DOCK5: variants seen among roughly 807,000 people sequenced by gnomAD.
The protein encoded by DOCK5 is dedicator of cytokinesis protein 5.
In DOCK5, 142 loss-of-function variants were observed where a neutral mutation model predicts 251.8. That is an observed-to-expected ratio of 0.56 (90% CI 0.49 to 0.65). The LOEUF (loss-of-function observed/expected upper bound fraction) is 0.65, where lower values mean the gene tolerates loss of function less well. Ranked by LOEUF, DOCK5 falls within the 30% of genes least tolerant of loss-of-function variation. The pLI is 0.00. For synonymous variants in DOCK5, 842 were observed against 835.5 expected (o/e 1.01, Z -0.13); for missense variants, 2,111 against 2,312.3 (o/e 0.91, Z 1.79).
At chr8:25,199,183 G>T (rs1367968655) in intron 1 of DOCK5, among the ~76,000 whole-genome samples, 1 of 152,098 alleles carries the variant, frequency 6.6e-6, no homozygotes, top group African/African-American at 2.4e-5. Context: ...ACTGTGTTTT[G>T]CAAAGTAAAC....
intron 5 of DOCK5, among the ~76,000 whole-genome samples, chr8:25,279,975 G>C (rs1804146590): frequency 6.6e-6 from 1 of 152,138 alleles, no homozygotes; most frequent in South Asian, 2.1e-4. Flanking sequence ...ATGCTGGGCA[G>C]GCTGGTCTTG....
intron 1 of DOCK5, among the ~76,000 whole-genome samples, chr8:25,235,189 C>G (rs1802764873): frequency 6.6e-6 from 1 of 152,142 alleles, no homozygotes; most frequent in African/African-American, 2.4e-5. Context: ...GGAAAAAACT[C>G]CTATGATTAT....
chr8:25,357,278 G>A lies in DOCK5; in HGVS notation c.2851-1685G>A, dbSNP rs996003086. On this transcript the variant is annotated intron_variant, in intron 27 of 51. Transcript: ENST00000276440. ...GGAGAAACAAATTGTGTTAGACACC[G>A]TTGGGAAAACAAGCTATATGATAAT... 3.3e-5 allele frequency among the ~76,000 whole-genome samples: 5 copies of A among 151,160 alleles called. No individual in the cohort carries two copies. The East Asian group carries it at 5.8e-4, about 18-fold the overall frequency.
chr8:25,184,957 T>TGCGCGCCCCACCTTGTCCCG lies in DOCK5; in HGVS notation c.43+9_43+28dup. 2.1e-6 allele frequency: 3 copies of TGCGCGCCCCACCTTGTCCCG among 1,412,772 alleles called. No individual in the cohort carries two copies. The highest frequency in any genetic ancestry group is 2.8e-6 in the Non-Finnish European group (3 of 1,073,638). The allele number at this position is 1,412,772 out of a possible 1,614,324, so 87.5% of individuals were successfully genotyped here. ...GAGGCAGAAGTACGGGGTTGGTGAGTGCGCGCCCCACCTTGTCCCGGCCCG... is the reference window on the plus strand; with the variant it reads ...GAGGCAGAAGTACGGGGTTGGTGAGTGCGCGCCCCACCTTGTCCCGGCGCGCCCCACCTTGTCCCGGCCCG... On this transcript the variant is annotated splice_region_variant and intron_variant, in intron 1 of 51. Transcript: ENST00000276440.
chr8:25,348,223 C>G (rs1340090413), intron 26 of DOCK5, among the ~76,000 whole-genome samples: 2 of 152,114 alleles, frequency 1.3e-5, no homozygotes, highest in East Asian at 3.9e-4. Flanking sequence ...TTAAACATTG[C>G]AGGATTCCCT....
chr8:25,270,049 C>G (rs574226121), intron 3 of DOCK5, among the ~76,000 whole-genome samples: 5 of 152,280 alleles, frequency 3.3e-5, no homozygotes, highest in African/African-American at 9.6e-5. Context: ...AGTATTTGCA[C>G]ATGTATGTGT....
intron 18 of DOCK5, among the ~76,000 whole-genome samples, chr8:25,331,029 G>C (rs555445491): frequency 1.3e-5 from 2 of 152,162 alleles, no homozygotes; most frequent in Admixed American, 6.5e-5. Flanking sequence ...GTTGCAATGA[G>C]CTGAGATTGT....
chr8:25,200,838 G>A (rs1463058467), intron 1 of DOCK5, among the ~76,000 whole-genome samples: 1 of 152,132 alleles, frequency 6.6e-6, no homozygotes, highest in Admixed American at 6.5e-5. Context: ...TTTAAAACTT[G>A]TATAATTACA....
At chr8:25,404,765 A>T (rs929747169) in intron 48 of DOCK5, among the ~76,000 whole-genome samples, 1 of 152,114 alleles carries the variant, frequency 6.6e-6, no homozygotes, top group Admixed American at 6.6e-5. Context: ...TCTGTCAAAG[A>T]TGTATATTTG....
chr8:25,323,913 A>G lies in DOCK5; in HGVS notation c.1681A>G (p.Thr561Ala), dbSNP rs536125215. The change falls in exon 17 of 52, where the codon ACT becomes GCT. Residue 561 changes from threonine to alanine, a missense_variant. Thr to Ala is a moderately conservative substitution (Grantham distance 58). This residue lies in a region of DOCK5 where 1,717 missense variants were observed against 1,892.4 expected (regional missense o/e 0.91). Transcript: ENST00000276440. ...FVKLMNPDGT[T>A]LQDGRHDLVV... ...GAAGCTGATGAACCCGGATGGCACC[A>G]CTCTGCAGGATGGGAGGCACGATCT... is the stretch of plus-strand genomic sequence containing the variant. 18 of 1,613,278 alleles carry G rather than the reference A, an allele frequency of 1.1e-5. No individual in the cohort carries two copies. In the Admixed American group the frequency reaches 2.0e-4, roughly 18 times the overall value.
chr8:25,293,785 C>A (rs1039770623), intron 6 of DOCK5, among the ~76,000 whole-genome samples: 1 of 152,128 alleles, frequency 6.6e-6, no homozygotes, highest in Admixed American at 6.6e-5. Flanking sequence ...GGGCAGATCA[C>A]CAGAGGTCAG....
chr8:25,252,989 G>A lies in DOCK5; in HGVS notation c.127+9232G>A, dbSNP rs79944669. Among the ~76,000 whole-genome samples the A allele has an allele frequency of 3.1e-3, 472 of 152,116 alleles. 2 individuals carry two copies. Among genetic ancestry groups the A allele is most frequent in the African/African-American group, 0.011 (439 of 41,502 alleles). ...TGGGATTACAGGCACGTGCCACCAC[G>A]CCCAGCTAATTTTTAGTAGAGACGT... On this transcript the variant is annotated intron_variant, in intron 2 of 51. Transcript: ENST00000276440.
intron 1 of DOCK5, among the ~76,000 whole-genome samples, chr8:25,234,578 C>G (rs1396858568): frequency 6.6e-6 from 1 of 152,150 alleles, no homozygotes; most frequent in Non-Finnish European, 1.5e-5. Flanking sequence ...GAACTATAGG[C>G]ATGAATAACA....
chr8:25,379,770 C>T (rs962891966), intron 38 of DOCK5, among the ~76,000 whole-genome samples: 3 of 151,968 alleles, frequency 2.0e-5, no homozygotes, highest in East Asian at 1.9e-4. Context: ...TCCCTCCATT[C>T]GGGGTCCCTG....
chr8:25,187,615 C>T (rs73673854), intron 1 of DOCK5, among the ~76,000 whole-genome samples: 12,417 of 151,892 alleles, frequency 0.082, 690 homozygotes, highest in African/African-American at 0.16. Flanking sequence ...TGTCACCTCC[C>T]TGCTTGGAAG....
chr8:25,241,878 T>C (rs28789719), intron 1 of DOCK5, among the ~76,000 whole-genome samples: 5,715 of 151,992 alleles, frequency 0.038, 309 homozygotes, highest in African/African-American at 0.13. Context: ...CTGGAAACCA[T>C]CATTCTCAGC....
chr8:25,290,521 TA>T (rs1804457845), intron 5 of DOCK5, among the ~76,000 whole-genome samples: 1 of 152,220 alleles, frequency 6.6e-6, no homozygotes, highest in African/African-American at 2.4e-5. Context: ...TTGGTTACAG[TA>T]AGTTACTAGT....
At chr8:25,401,296 A>C (rs1801434598) in intron 47 of DOCK5, among the ~76,000 whole-genome samples, 1 of 152,156 alleles carries the variant, frequency 6.6e-6, no homozygotes, top group Non-Finnish European at 1.5e-5. Flanking sequence ...AGCGCCTGTG[A>C]AAATACAGAT....
chr8:25,358,212 G>A (rs1290945704), intron 27 of DOCK5, among the ~76,000 whole-genome samples: 2 of 152,130 alleles, frequency 1.3e-5, no homozygotes, highest in Non-Finnish European at 2.9e-5. Flanking sequence ...AGCATGGCTG[G>A]GGAGGCCTCA....
Sources: allele counts gnomAD v4.1 joint callset (sites outside exome capture counted in the v4.1 genomes callset), GRCh38; gene constraint gnomAD v4.1.1; regional missense constraint gnomAD v4.1.1; transcripts MANE v1.5; gene names NCBI Gene and HGNC (gene_info 2026-07-23, HGNC 2026-07-21).